Variants in TMEM39B observed in about 807,000 individuals in gnomAD.
The protein encoded by TMEM39B is transmembrane protein 39B.
A neutral mutation model predicts 52.2 loss-of-function variants in TMEM39B; 23 were observed. The ratio of observed to expected loss-of-function variants is 0.44; its 90% CI spans 0.32 to 0.62. The LOEUF (loss-of-function observed/expected upper bound fraction) is 0.62, where lower values mean the gene tolerates loss of function less well. Ranked by LOEUF, TMEM39B falls within the 20% of genes least tolerant of loss-of-function variation. The pLI, the probability that TMEM39B is intolerant of heterozygous loss-of-function variation, is 0.06. For missense variants in TMEM39B, 547 were observed against 642.0 expected, an observed-to-expected ratio of 0.85 and a Z score of 1.60; for synonymous variants, 285 against 264.0, an observed-to-expected ratio of 1.08 and a Z score of -0.77.
intron 5 of TMEM39B, among the ~76,000 whole-genome samples, chr1:32,085,821 T>C (rs1640325292): frequency 6.6e-6 from 1 of 152,154 alleles, no homozygotes; most frequent in South Asian, 2.1e-4. Flanking sequence ...TTCTGTTTCA[T>C]GCTGCTTGTT....
chr1:32,090,943 A>T (rs1640580154), intron 5 of TMEM39B, among the ~76,000 whole-genome samples: 2 of 151,794 alleles, frequency 1.3e-5, no homozygotes. Context: ...CCTGGCCCAT[A>T]CCTGCCTAAT....
At chr1:32,073,346 T>G (rs1569847590) in intron 1 of TMEM39B, 1 of 369,536 alleles carries the variant, frequency 2.7e-6, no homozygotes, top group Non-Finnish European at 4.5e-6. Flanking sequence ...CCAGTGGGCG[T>G]GGCTTCAGCG....
chr1:32,086,104 C>T (rs756602159), intron 5 of TMEM39B, among the ~76,000 whole-genome samples: 3 of 152,032 alleles, frequency 2.0e-5, no homozygotes. Context: ...GACCTCAATT[C>T]TCAGTTTACT....
intron 8 of TMEM39B, 74 bp downstream of exon 8, chr1:32,100,636 T>G (rs1640987166): frequency 6.3e-7 from 1 of 1,591,190 alleles, no homozygotes; most frequent in Admixed American, 1.7e-5. Flanking sequence ...GAATGTGATG[T>G]CATTGCAAGA....
At chr1:32,077,485 C>A in intron 5 of TMEM39B, among the ~76,000 whole-genome samples, 167 bp downstream of exon 5, 1 of 152,088 alleles carries the variant, frequency 6.6e-6, no homozygotes, top group East Asian at 1.9e-4. Context: ...GATAATTAGC[C>A]TTTTTTTGCA....
intron 7 of TMEM39B, among the ~76,000 whole-genome samples, chr1:32,097,307 A>G (rs1229901294): frequency 6.6e-6 from 1 of 151,100 alleles, no homozygotes; most frequent in African/African-American, 2.4e-5. Flanking sequence ...AGAACTTAAT[A>G]TAAATGAAAT....
rs781687755 is a variant in TMEM39B at position 32,075,682 on chromosome 1, G to A, written c.211G>A (p.Glu71Lys). The A allele has an allele frequency of 1.6e-5, 25 of 1,551,550 alleles. No homozygotes were observed. The highest frequency in any genetic ancestry group is 1.7e-4 in the Middle Eastern group (1 of 6,008). ...GCCTCTACAGCACTGCAAGATCCCCGAGCTGCCAGTCCAGGCCAGCATTCT... is the reference window on the plus strand; with the variant it reads ...GCCTCTACAGCACTGCAAGATCCCCAAGCTGCCAGTCCAGGCCAGCATTCT... Reference protein sequence around the residue: ...VVPLQHCKIPELPVQASILFE... With the variant: ...VVPLQHCKIPKLPVQASILFE... Residue 71 changes from glutamate (E) to lysine (K), a missense_variant, in exon 3 of 9, where the codon GAG becomes AAG. Physicochemically the swap from Glu to Lys is moderately conservative, Grantham distance 56 (BLOSUM62 1). Transcript: ENST00000336294.
At chr1:32,097,339 T>C (rs1010850686) in intron 7 of TMEM39B, among the ~76,000 whole-genome samples, 8 of 151,856 alleles carry the variant, frequency 5.3e-5, no homozygotes, top group Non-Finnish European at 1.2e-4. Flanking sequence ...TCTTCTTTTT[T>C]TTTTTTTTTG....
intron 7 of TMEM39B, among the ~76,000 whole-genome samples, chr1:32,097,329 T>A (rs1001950458): frequency 1.3e-5 from 2 of 151,220 alleles, no homozygotes; most frequent in Non-Finnish European, 1.5e-5. Context: ...GTGTCCAACT[T>A]CTTCTTTTTT....
intron 5 of TMEM39B, among the ~76,000 whole-genome samples, chr1:32,081,639 T>C (rs545693587): frequency 6.6e-6 from 1 of 151,744 alleles, no homozygotes; most frequent in South Asian, 2.1e-4. Flanking sequence ...TCCCAGCTAC[T>C]TGGGAGGCTG....
At chr1:32,078,017 T>C (rs1177779981) in intron 5 of TMEM39B, among the ~76,000 whole-genome samples, 1 of 152,034 alleles carries the variant, frequency 6.6e-6, no homozygotes, top group Non-Finnish European at 1.5e-5. Context: ...GCATTAACAG[T>C]CGTTTCCCAA....
At chr1:32,075,960 G>A (rs945708769) in intron 3 of TMEM39B, 138 bp downstream of exon 3, 5 of 594,866 alleles carry the variant, frequency 8.4e-6, no homozygotes, top group African/African-American at 7.4e-5. Flanking sequence ...GAACATGGAA[G>A]GTGCTGAAGG....
chr1:32,075,056 C>T lies in TMEM39B; in HGVS notation c.110C>T (p.Thr37Ile). 1.3e-6 allele frequency: 2 copies of T among 1,551,246 alleles called. No individual in the cohort carries two copies. The highest frequency in any genetic ancestry group is 2.7e-5 in the African/African-American group (2 of 73,150). Residue 37 changes from threonine (T) to isoleucine (I), a missense_variant, in exon 2 of 9, where the codon ACC becomes ATC. By Grantham distance (89) the Thr-to-Ile change is moderately conservative. Transcript: ENST00000336294. ...AGCCACACTTCCAGTGCATCGGTGACCAGTGTTCGTTCCCGCACCAGGTAA... is the reference window on the plus strand; with the variant it reads ...AGCCACACTTCCAGTGCATCGGTGATCAGTGTTCGTTCCCGCACCAGGTAA... Reference protein sequence around the residue: ...SGSHTSSASVTSVRSRTRSSS... With the variant: ...SGSHTSSASVISVRSRTRSSS...
Position 32,094,777 on chromosome 1 carries a change from C to A in TMEM39B, c.928-7C>A. 1.9e-6 allele frequency: 3 copies of A among 1,613,876 alleles called. No individual in the cohort carries two copies. Among genetic ancestry groups the A allele is most frequent in the Non-Finnish European group, 2.5e-6 (3 of 1,179,808 alleles). ...CCCAGGCCTCACCCACCTTCTGCTA[C>A]CCCCAGAACACACATTACTATGACA... On this transcript the variant is annotated splice_polypyrimidine_tract_variant and splice_region_variant and intron_variant, in intron 6 of 8. Coordinates refer to ENST00000336294, the MANE Select transcript of TMEM39B (RefSeq NM_018056.4).
rs1239975199 is a variant in TMEM39B at position 32,094,946 on chromosome 1, C to T, written c.1090C>T (p.Leu364=). The T allele has an allele frequency of 1.2e-6, 2 of 1,613,638 alleles. No individual in the cohort carries two copies. Among genetic ancestry groups the T allele is most frequent in the South Asian group, 2.2e-5 (2 of 91,082 alleles). Residue 364 remains leucine, a synonymous_variant, in exon 7 of 9, where the codon CTG becomes TTG. Coordinates refer to ENST00000336294, the MANE Select transcript of TMEM39B (RefSeq NM_018056.4). ...LGCWQKVDPA[L]CSNVLQHPWT... ...CTGTTGGCAGAAGGTGGACCCAGCG[C>T]TGTGCTCCAACGTGCTGCAGCACCC...
intron 5 of TMEM39B, chr1:32,087,156 G>A (rs953903139): frequency 2.6e-5 from 4 of 152,012 alleles, no homozygotes; most frequent in African/African-American, 9.7e-5. Context: ...ATATGTTGAA[G>A]TGATAGTATT....
chr1:32,081,079 C>A (rs1310549102), intron 5 of TMEM39B, among the ~76,000 whole-genome samples: 1 of 151,836 alleles, frequency 6.6e-6, no homozygotes, highest in Non-Finnish European at 1.5e-5. Flanking sequence ...CCAATCCCGC[C>A]TCCAGATTTT....
chr1:32,100,788 G>C (rs1640993648), intron 8 of TMEM39B: 2 of 515,238 alleles, frequency 3.9e-6, no homozygotes, highest in Non-Finnish European at 6.9e-6. Context: ...CACTTTGGGA[G>C]ACCAAGGCAG....
intron 5 of TMEM39B, among the ~76,000 whole-genome samples, chr1:32,079,802 C>T (rs923443882): frequency 2.7e-5 from 4 of 150,540 alleles, no homozygotes; most frequent in African/African-American, 7.3e-5. Flanking sequence ...TGGAGTCTTG[C>T]TCTGTTGCCC....
Sources: allele counts gnomAD v4.1 joint callset (sites outside exome capture counted in the v4.1 genomes callset), GRCh38; gene constraint gnomAD v4.1.1; transcripts MANE v1.5; gene names NCBI Gene and HGNC (gene_info 2026-07-23, HGNC 2026-07-21).